MED12L: variants seen among roughly 807,000 people sequenced by gnomAD.
MED12L encodes mediator of RNA polymerase II transcription subunit 12-like protein.
MED12L carries 60 observed loss-of-function variants against 281.3 expected under a neutral mutation model. The observed-to-expected ratio is 0.21, with a 90% CI of 0.17 to 0.26. The LOEUF is 0.26. MED12L is among the 10% of genes least tolerant of loss of function. MED12L has a pLI of 1.00. For missense variants in MED12L, 2,146 were observed against 2,680.9 expected, an observed-to-expected ratio of 0.80 and a Z score of 4.41; for synonymous variants, 974 against 987.2, an observed-to-expected ratio of 0.99 and a Z score of 0.25.
In MED12L at chr3:151,377,969, G is replaced by A. The variant is rs763038760; in HGVS notation, c.4317-43G>A. On this transcript the variant is annotated intron_variant, in intron 30 of 44. Transcript: ENST00000687756. ...TTCTGTTATAACTGTGAGAGCAGGG[G>A]AAAGGATGCTTTCTCCGGTGTAACA... The A allele has an allele frequency of 2.0e-6, 3 of 1,528,484 alleles. No individual in the cohort carries two copies. In the East Asian group the frequency reaches 7.1e-5, roughly 36 times the overall value. 94.7% of individuals were successfully genotyped at this position (1,528,484 alleles called of 1,614,324 possible).
intron 21 of MED12L, among the ~76,000 whole-genome samples, chr3:151,361,552 C>T (rs1279449549): frequency 2.0e-5 from 3 of 152,160 alleles, no homozygotes; most frequent in African/African-American, 7.2e-5. Flanking sequence ...CCTGTCAATA[C>T]ATCTTATTGC....
intron 38 of MED12L, among the ~76,000 whole-genome samples, chr3:151,392,000 G>A (rs1714294425): frequency 6.7e-6 from 1 of 148,696 alleles, no homozygotes; most frequent in Non-Finnish European, 1.5e-5. Context: ...CTTTGGAGAT[G>A]TAGAAGTTTG....
intron 2 of MED12L, among the ~76,000 whole-genome samples, chr3:151,093,002 G>A (rs1032038548): frequency 1.3e-5 from 2 of 152,136 alleles, no homozygotes; most frequent in African/African-American, 4.8e-5. Context: ...CATTTTTCAG[G>A]GTCTGCCAGC....
In MED12L at chr3:151,334,192, C is replaced by T. The variant is rs201163540; in HGVS notation, c.2251-15867C>T. On this transcript the variant is annotated intron_variant, in intron 16 of 44. Transcript: ENST00000687756. ...GATGTTATGTGTTTTTTCTTTCTTT[C>T]TTTCTTTTTTTTTTTGCCATTTCTA... is the stretch of plus-strand genomic sequence containing the variant. Among the ~76,000 whole-genome samples, 720 of 99,332 alleles carry T rather than the reference C, an allele frequency of 7.2e-3. 13 individuals carry two copies. The highest frequency in any genetic ancestry group is 0.023 in the South Asian group (60 of 2,666). The allele number at this position is 99,332 out of a possible 152,430, so 65.2% of individuals were successfully genotyped here.
chr3:151,124,769 G>C (rs912129009), intron 4 of MED12L, among the ~76,000 whole-genome samples: 22 of 152,098 alleles, frequency 1.4e-4, no homozygotes, highest in Admixed American at 5.2e-4. Flanking sequence ...AGAGAGGCTT[G>C]TAAAGGACCT....
chr3:151,177,482 T>A (rs1015755682), intron 11 of MED12L, among the ~76,000 whole-genome samples: 1 of 152,168 alleles, frequency 6.6e-6, no homozygotes, highest in African/African-American at 2.4e-5. Context: ...AGATTAGAGA[T>A]GATGTGTGTA....
intron 16 of MED12L, among the ~76,000 whole-genome samples, chr3:151,320,690 G>A (rs1748893586): frequency 6.6e-6 from 1 of 152,196 alleles, no homozygotes; most frequent in Admixed American, 6.5e-5. Context: ...TGGAGATTGA[G>A]TCTGGAGATA....
At chr3:151,364,946 T>G (rs922116587) in intron 21 of MED12L, 33 bp from the exon 22 acceptor site, 3 of 1,466,410 alleles carry the variant, frequency 2.0e-6, no homozygotes, top group Non-Finnish European at 2.9e-6. Context: ...TAGTTTTATT[T>G]TTCTGTTTTA....
intron 22 of MED12L, 83 bp from the exon 23 acceptor site, chr3:151,365,767 A>G: frequency 2.5e-6 from 3 of 1,204,338 alleles, no homozygotes; most frequent in South Asian, 4.1e-5. Flanking sequence ...ATGTTAGTGA[A>G]ATATATGTTA....
intron 6 of MED12L, among the ~76,000 whole-genome samples, chr3:151,158,017 G>A (rs1719506995): frequency 6.6e-6 from 1 of 152,202 alleles, no homozygotes; most frequent in South Asian, 2.1e-4. Context: ...GAAGGCAAGA[G>A]ACAAAAGATG....
At chr3:151,312,676 A>G (rs1200563631) in intron 16 of MED12L, among the ~76,000 whole-genome samples, 2 of 152,162 alleles carry the variant, frequency 1.3e-5, no homozygotes, top group Non-Finnish European at 2.9e-5. Flanking sequence ...GCTACATACA[A>G]CAACAGTAAA....
chr3:151,175,566 T>C (rs1242567338), intron 11 of MED12L, among the ~76,000 whole-genome samples: 1 of 152,224 alleles, frequency 6.6e-6, no homozygotes, highest in Non-Finnish European at 1.5e-5. Context: ...GATCTCACCA[T>C]GTACCTCCTA....
In MED12L at chr3:151,308,593, G is replaced by A. The variant is rs1345271698; in HGVS notation, c.2251-41466G>A. On this transcript the variant is annotated intron_variant, in intron 16 of 44. Coordinates refer to ENST00000687756, the MANE Select transcript of MED12L (RefSeq NM_001393769.1). ...TTAGTTGTTTGATTACTGTTTACTA[G>A]GCTATTAAAAGATGCAGAATGCTTT... is the stretch of plus-strand genomic sequence containing the variant. Among the ~76,000 whole-genome samples, 2 of 152,108 alleles carry A rather than the reference G, an allele frequency of 1.3e-5. 1 individual carries two copies. The highest frequency in any genetic ancestry group is 4.1e-4 in the South Asian group (2 of 4,820).
intron 44 of MED12L, 95 bp downstream of exon 44, chr3:151,430,475 A>C (rs1577636706): frequency 6.4e-7 from 1 of 1,570,956 alleles, no homozygotes; most frequent in African/African-American, 1.3e-5. Flanking sequence ...AGATGGTACC[A>C]TCTTCCTCAG....
intron 2 of MED12L, among the ~76,000 whole-genome samples, chr3:151,112,994 T>C (rs1452646282): frequency 6.6e-6 from 1 of 152,158 alleles, no homozygotes; most frequent in Non-Finnish European, 1.5e-5. Context: ...AAAATAAAGA[T>C]CCCCAGTTTT....
At chr3:151,096,666 A>C (rs1484003793) in intron 2 of MED12L, among the ~76,000 whole-genome samples, 1 of 152,164 alleles carries the variant, frequency 6.6e-6, no homozygotes, top group Admixed American at 6.5e-5. Context: ...TGGGGGGGGA[A>C]GCCATGCATG....
chr3:151,120,028 G>A (rs1475549486), intron 3 of MED12L, among the ~76,000 whole-genome samples: 1 of 150,446 alleles, frequency 6.6e-6, no homozygotes, highest in African/African-American at 2.5e-5. Flanking sequence ...AGACCAGCCT[G>A]GCCAACACGG....
chr3:151,423,622 T>C (rs1718529747), intron 43 of MED12L, among the ~76,000 whole-genome samples: 1 of 152,194 alleles, frequency 6.6e-6, no homozygotes, highest in Non-Finnish European at 1.5e-5. Flanking sequence ...GATTTTGGCC[T>C]AAATTATAGT....
chr3:151,255,141 C>T (rs1022805165), intron 16 of MED12L, among the ~76,000 whole-genome samples: 4 of 152,126 alleles, frequency 2.6e-5, no homozygotes, highest in Non-Finnish European at 4.4e-5. Flanking sequence ...TGAAGATTGA[C>T]TTATGGAATT....
Sources: gnomAD v4.1 joint callset for allele counts (sites outside exome capture counted in the v4.1 genomes callset) on GRCh38, gnomAD v4.1.1 for gene constraint, MANE v1.5 for transcripts, NCBI Gene and HGNC (gene_info 2026-07-23, HGNC 2026-07-21) for gene names.